The following KCP variants were observed in gnomAD, a reference collection of about 807,000 sequenced individuals.
KCP encodes kielin/chordin-like protein.
Under a neutral mutation model 212.7 loss-of-function variants are expected in KCP, and 194 were observed. The observed-to-expected ratio is 0.91, with a 90% CI of 0.81 to 1.03. KCP has a LOEUF of 1.03. KCP is among the 50% of genes least tolerant of loss of function. The probability of loss-of-function intolerance (pLI) is 0.00; values close to 1 mark genes in which losing one functional copy is unlikely to be tolerated. For synonymous variants in KCP, 833 were observed against 865.3 expected, an observed-to-expected ratio of 0.96 and a Z score of 0.65; for missense variants, 2,080 against 2,162.5, an observed-to-expected ratio of 0.96 and a Z score of 0.76.
rs749706019 is a variant in KCP at position 128,891,282 on chromosome 7, C to T, written c.1879-4G>A. ...CCAGGCACTGCACGTTGCCGCTCTACGGACCGACAGACGCACCACGGGTCA... is the reference window on the plus strand; with the variant it reads ...CCAGGCACTGCACGTTGCCGCTCTATGGACCGACAGACGCACCACGGGTCA... On this transcript the variant is annotated splice_polypyrimidine_tract_variant and splice_region_variant and intron_variant, in intron 18 of 39. Transcript: ENST00000610776. 1.6e-5 allele frequency: 25 copies of T among 1,547,264 alleles called. 1 individual carries two copies. The South Asian group carries it at 2.5e-4, about 15-fold the overall frequency.
At position 128,887,269 on chromosome 7, in the gene KCP, G is replaced by A. The variant is rs772767485; in HGVS notation, c.2544C>T (p.Ser848=). 5.4e-5 allele frequency: 84 copies of A among 1,551,270 alleles called. No homozygotes were observed. The highest frequency in any genetic ancestry group is 2.6e-4 in the African/African-American group (19 of 72,976). ...CAAGTGGGTCAGGAAGGGTCTCTCCGGAGGCAGTAGTGACGCCATGGTAGC... is the reference window on the plus strand; with the variant it reads ...CAAGTGGGTCAGGAAGGGTCTCTCCAGAGGCAGTAGTGACGCCATGGTAGC... The part of the protein sequence containing the change: ...GCRYHGVTTA[S]GETLPDPLDP... The change falls in exon 23 of 40, where the codon TCC becomes TCT. Residue 848 remains serine, a synonymous_variant. Transcript: ENST00000610776.
chr7:128,876,889 C>G lies in KCP; in HGVS notation c.*154G>C. ...CTTCGGGCAGGCCTAGAGTTTACTG[C>G]TGGTGACTCAACATGGCGGGGGTCT... On this transcript the variant is annotated 3_prime_UTR_variant, in exon 40 of 40. Transcript: ENST00000610776. 1.2e-6 allele frequency: 1 copy of G among 835,874 alleles called. No homozygotes were observed. The highest frequency in any genetic ancestry group is 3.1e-5 in the East Asian group (1 of 32,666). The allele number at this position is 835,874 out of a possible 1,614,324, so 51.8% of individuals were successfully genotyped here. A position where few individuals can be genotyped will look rare whatever the true frequency, so the allele number is the denominator to read the frequency against.
In KCP at chr7:128,879,629, G is replaced by A. The variant is rs1182572632; in HGVS notation, c.4045-6C>T. The A allele has an allele frequency of 6.5e-7, 1 of 1,550,196 alleles. No individual in the cohort carries two copies. The highest frequency in any genetic ancestry group is 8.7e-7 in the Non-Finnish European group (1 of 1,146,580). ...GCCACCGGGTGCCCATCCACCTGGA[G>A]GATAAAGGAGGTGGGAGGAGGGGTG... On this transcript the variant is annotated splice_region_variant and splice_polypyrimidine_tract_variant and intron_variant, in intron 36 of 39. Transcript: ENST00000610776.
chr7:128,881,360 C>A (rs533542022), intron 31 of KCP, among the ~76,000 whole-genome samples: 1 of 152,366 alleles, frequency 6.6e-6, no homozygotes, highest in South Asian at 2.1e-4. Context: ...ATGCCCTCTT[C>A]ATGGGCCTGG....
chr7:128,898,421 G>A (rs1794652355), intron 8 of KCP, among the ~76,000 whole-genome samples: 1 of 152,234 alleles, frequency 6.6e-6, no homozygotes, highest in African/African-American at 2.4e-5. Context: ...GACATGTGGA[G>A]TTTGCCACAC....
intron 22 of KCP, among the ~76,000 whole-genome samples, chr7:128,888,011 CCACACACAGCCACACACACACATACACA>C (rs1345729536): frequency 7.7e-6 from 1 of 129,068 alleles, no homozygotes; most frequent in East Asian, 2.5e-4. Context: ...ACATACACAC[CCACACACAGCCACACACACACATACACA>C]CACACACACA....
chr7:128,883,243 T>A (rs113033809), intron 29 of KCP, among the ~76,000 whole-genome samples: 14,609 of 151,456 alleles, frequency 0.096, 903 homozygotes, highest in African/African-American at 0.17. Context: ...GGGTTCAAGC[T>A]ATCCTCCTGC....
chr7:128,907,767 A>G (rs1795200176), intron 2 of KCP, among the ~76,000 whole-genome samples: 1 of 152,246 alleles, frequency 6.6e-6, no homozygotes, highest in Non-Finnish European at 1.5e-5. Flanking sequence ...TACATGGAAC[A>G]GTACGAAACA....
Position 128,889,133 on chromosome 7 carries a change from C to T in KCP, c.2336-94G>A, listed in dbSNP as rs577617355. On this transcript the variant is annotated intron_variant, in intron 21 of 39. Coordinates refer to ENST00000610776, the MANE Select transcript of KCP (RefSeq NM_001366122.1). ...TCTGAGCTTGGGCCTGTTATGCATC[C>T]AAGATCTCAAAGATCTAGCGTGGGG... 3.2e-4 allele frequency: 312 copies of T among 977,794 alleles called. No individual in the cohort carries two copies. In the African/African-American group the frequency reaches 4.9e-3, roughly 15 times the overall value. 60.6% of individuals were successfully genotyped at this position (977,794 alleles called of 1,614,324 possible).
At chr7:128,883,828 T>C (rs928242362) in intron 29 of KCP, among the ~76,000 whole-genome samples, 174 bp downstream of exon 29, 2 of 152,228 alleles carry the variant, frequency 1.3e-5, no homozygotes, top group African/African-American at 4.8e-5. Context: ...AAAGGGTTCC[T>C]GTCAGCTTCC....
At chr7:128,902,507 C>T (rs1405663348) in intron 8 of KCP, among the ~76,000 whole-genome samples, 1 of 152,174 alleles carries the variant, frequency 6.6e-6, no homozygotes, top group Non-Finnish European at 1.5e-5. Flanking sequence ...TTTTGCCGCT[C>T]GCCATATCCT....
At chr7:128,906,023 A>T (rs936664085) in intron 5 of KCP, among the ~76,000 whole-genome samples, 4 of 152,048 alleles carry the variant, frequency 2.6e-5, no homozygotes, top group Admixed American at 6.5e-5. Flanking sequence ...CTATGAGCTT[A>T]TCTTCTCAAC....
At chr7:128,896,331 A>G (rs1483608295) in intron 8 of KCP, among the ~76,000 whole-genome samples, 1 of 152,098 alleles carries the variant, frequency 6.6e-6, no homozygotes, top group Non-Finnish European at 1.5e-5. Context: ...TGCTTGATGG[A>G]CCTTGGGATA....
At chr7:128,906,601 C>T (rs1305299723) in intron 4 of KCP, among the ~76,000 whole-genome samples, 1 of 151,982 alleles carries the variant, frequency 6.6e-6, no homozygotes, top group Non-Finnish European at 1.5e-5. Flanking sequence ...AGCACATTCC[C>T]CAGAGAGGGG....
Position 128,894,286 on chromosome 7 carries a change from T to C in KCP, c.839A>G (p.His280Arg). The part of the protein sequence containing the change: ...PCRICRCLEG[H>R]IQCRQRECAS... ...ACATTCTCGCTGGCGGCACTGGATG[T>C]GACCCTCCTGGTGGGGAGAATGAAC... The change falls in exon 9 of 40, where the codon CAC becomes CGC. Residue 280 changes from histidine to arginine, a missense_variant. His to Arg is a conservative substitution (Grantham distance 29, BLOSUM62 0). Coordinates refer to ENST00000610776, the MANE Select transcript of KCP (RefSeq NM_001366122.1). 2 of 1,539,288 alleles carry C rather than the reference T, an allele frequency of 1.3e-6. No homozygotes were observed. Among genetic ancestry groups the C allele is most frequent in the African/African-American group, 1.4e-5 (1 of 72,962 alleles).
chr7:128,879,884 TG>T, intron 35 of KCP, 28 bp downstream of exon 35: 1 of 1,551,090 alleles, frequency 6.4e-7, no homozygotes, highest in Non-Finnish European at 8.7e-7. Context: ...GTGTAGGGGT[TG>T]GGGAGAAGAG....
chr7:128,901,096 C>T (rs571647710), intron 8 of KCP, among the ~76,000 whole-genome samples: 34 of 152,288 alleles, frequency 2.2e-4, no homozygotes, highest in Admixed American at 6.5e-4. Context: ...ACCAAGATGG[C>T]GACGAGAGTG....
At position 128,888,933 on chromosome 7, in the gene KCP, G is replaced by A; in HGVS notation, c.2442C>T (p.Arg814=). 6.4e-7 allele frequency: 1 copy of A among 1,550,888 alleles called. No individual in the cohort carries two copies. Among genetic ancestry groups the A allele is most frequent in the Non-Finnish European group, 8.7e-7 (1 of 1,146,790 alleles). Residue 814 remains arginine, a synonymous_variant, in exon 22 of 40, where the codon CGC becomes CGT. Transcript: ENST00000610776. ...TCLGGFVTCG[R]RPCEPPGCSH... is the part of the protein sequence containing the mutation. Reference sequence around the variant, plus strand: ...TGCAGCCCGGAGGCTCACAGGGCCGGCGGCCGCAGGTCACGAAGCCTCCAA... The same window carrying A: ...TGCAGCCCGGAGGCTCACAGGGCCGACGGCCGCAGGTCACGAAGCCTCCAA...
chr7:128,903,325 C>T (rs1317824657), intron 7 of KCP: 1 of 278,434 alleles, frequency 3.6e-6, no homozygotes, highest in Middle Eastern at 1.2e-3. Context: ...AGGCTGGATT[C>T]GGTCTCCTTC....
Sources: allele counts gnomAD v4.1 joint callset (sites outside exome capture counted in the v4.1 genomes callset), GRCh38; gene constraint gnomAD v4.1.1; transcripts MANE v1.5; gene names NCBI Gene and HGNC (gene_info 2026-07-23, HGNC 2026-07-21).